The following NUP155 variants were observed in gnomAD, a reference collection of about 807,000 sequenced individuals.
NUP155 encodes the protein nuclear pore complex protein Nup155.
Under a neutral mutation model 180.4 loss-of-function variants are expected in NUP155, and 71 were observed. The ratio of observed to expected loss-of-function variants is 0.39; its 90% confidence interval spans 0.33 to 0.48. The LOEUF (loss-of-function observed/expected upper bound fraction) is 0.48, where lower values mean the gene tolerates loss of function less well. Ranked by LOEUF, NUP155 falls within the 20% of genes least tolerant of loss-of-function variation. The pLI is 0.91. For missense variants in NUP155, 1,553 were observed against 1,648.9 expected, an observed-to-expected ratio of 0.94 and a Z score of 1.01; for synonymous variants, 582 against 559.5, an observed-to-expected ratio of 1.04 and a Z score of -0.57.
At chr5:37,353,068 T>C (rs1746571831) in intron 4 of NUP155, among the ~76,000 whole-genome samples, 1 of 152,090 alleles carries the variant, frequency 6.6e-6, no homozygotes, top group African/African-American at 2.4e-5. Context: ...AGAACCACCT[T>C]AGAAAACAAT....
At chr5:37,319,757 A>G (rs578041014) in intron 20 of NUP155, among the ~76,000 whole-genome samples, 164 of 152,242 alleles carry the variant, frequency 1.1e-3, no homozygotes, top group African/African-American at 3.8e-3. Flanking sequence ...TGTAGTCCCA[A>G]CTACTCAGGA....
chr5:37,315,646 T>C (rs943376387), intron 21 of NUP155, among the ~76,000 whole-genome samples: 1 of 151,974 alleles, frequency 6.6e-6, no homozygotes, highest in Non-Finnish European at 1.5e-5. Context: ...ACTAGAAGTA[T>C]AAAATGCTGT....
intron 15 of NUP155, among the ~76,000 whole-genome samples, chr5:37,329,524 T>C (rs996283330): frequency 2.0e-5 from 3 of 152,232 alleles, no homozygotes; most frequent in Non-Finnish European, 4.4e-5. Flanking sequence ...GAAAAAGATA[T>C]GCAATGCATA....
At chr5:37,293,477 A>T (rs1354856235) in intron 33 of NUP155, among the ~76,000 whole-genome samples, 1 of 152,202 alleles carries the variant, frequency 6.6e-6, no homozygotes, top group Non-Finnish European at 1.5e-5. Flanking sequence ...TACTACAGTT[A>T]CCTGCTCATT....
At position 37,358,281 on chromosome 5, in the gene NUP155, C is replaced by T. The variant is rs1009432779; in HGVS notation, c.393-130G>A. On this transcript the variant is annotated intron_variant, in intron 3 of 34. Transcript: ENST00000231498. ...ACTGCCTGAGCCCAGAAGTTCAAGACCAGCCTGGGCAACATAGTGAGACTG... is the reference window on the plus strand; with the variant it reads ...ACTGCCTGAGCCCAGAAGTTCAAGATCAGCCTGGGCAACATAGTGAGACTG... The T allele has an allele frequency of 2.7e-5, 19 of 715,270 alleles. No homozygotes were observed. The African/African-American group carries it at 3.1e-4, about 12-fold the overall frequency. 44.3% of individuals were successfully genotyped at this position (715,270 alleles called of 1,614,324 possible).
chr5:37,288,361 T>C lies in NUP155; in HGVS notation c.*3539A>G, dbSNP rs1302126714. On this transcript the variant is annotated 3_prime_UTR_variant, in exon 35 of 35. Coordinates refer to ENST00000231498, the MANE Select transcript of NUP155 (RefSeq NM_153485.3). ...AATACTTTTGAGATCAGTGGATAGG[T>C]GTTCAATGAATAAGTCAGGTATACC... 1 of 152,136 alleles carries C rather than the reference T, an allele frequency of 6.6e-6. No homozygotes were observed. Among genetic ancestry groups the C allele is most frequent in the Non-Finnish European group, 1.5e-5 (1 of 68,032 alleles). 9.4% of individuals were successfully genotyped at this position (152,136 alleles called of 1,614,324 possible).
Position 37,291,811 on chromosome 5 carries a change from A to T in NUP155, c.*89T>A. On this transcript the variant is annotated 3_prime_UTR_variant, in exon 35 of 35. Transcript: ENST00000231498. ...ACATATTTCTATTAAGATTGTTCTT[A>T]CATTCTTAGATTTAGAACACCTGAT... 8.4e-7 allele frequency: 1 copy of T among 1,190,250 alleles called. No individual in the cohort carries two copies. The highest frequency in any genetic ancestry group is 1.2e-6 in the Non-Finnish European group (1 of 802,094). 73.7% of individuals were successfully genotyped at this position (1,190,250 alleles called of 1,614,324 possible).
rs1459101675 is a variant in NUP155 at position 37,288,685 on chromosome 5, A to G, written c.*3215T>C. 2.0e-5 allele frequency: 3 copies of G among 147,920 alleles called. No homozygotes were observed. Among genetic ancestry groups the G allele is most frequent in the Non-Finnish European group, 3.0e-5 (2 of 67,294 alleles). The allele number at this position is 147,920 out of a possible 1,614,324, so 9.2% of individuals were successfully genotyped here. ...GAGACTGAGGCAGGGGAATCACTTA[A>G]GGCCAGGAGTTTTGAGAGCAGTCTG... On this transcript the variant is annotated 3_prime_UTR_variant, in exon 35 of 35. Coordinates refer to ENST00000231498, the MANE Select transcript of NUP155 (RefSeq NM_153485.3).
chr5:37,321,158 C>A (rs1744216299), intron 20 of NUP155, among the ~76,000 whole-genome samples: 2 of 151,764 alleles, frequency 1.3e-5, no homozygotes, highest in Admixed American at 1.3e-4. Context: ...TCAGCCTTGC[C>A]AACATGGCAA....
At chr5:37,339,912 C>T (rs1011521321) in intron 11 of NUP155, among the ~76,000 whole-genome samples, 1 of 152,006 alleles carries the variant, frequency 6.6e-6, no homozygotes, top group African/African-American at 2.4e-5. Flanking sequence ...ACAGACATGC[C>T]CCCTACACCC....
At chr5:37,343,555 G>C (rs1310429633) in intron 9 of NUP155, among the ~76,000 whole-genome samples, 1 of 152,008 alleles carries the variant, frequency 6.6e-6, no homozygotes, top group Admixed American at 6.6e-5. Context: ...TGGTTGGTGG[G>C]GAGCAGTGTT....
Position 37,301,546 on chromosome 5 carries a change from G to A in NUP155, c.3452C>T (p.Ala1151Val). The change falls in exon 30 of 35, where the codon GCT (alanine) becomes GTT (valine). Residue 1151 changes from alanine to valine, a missense_variant. Ala to Val is a moderately conservative substitution (Grantham distance 64). Coordinates refer to ENST00000231498, the MANE Select transcript of NUP155 (RefSeq NM_153485.3). ...LHELEEKMEV[A>V]RIQLQIQETL... ...CTCCTGTATCTGAAGTTGGATCCTA[G>A]CAACCTAGTTTGGGCAGAAAACAGG... The A allele has an allele frequency of 6.3e-7, 1 of 1,598,102 alleles. No individual in the cohort carries two copies. Among genetic ancestry groups the A allele is most frequent in the Non-Finnish European group, 8.6e-7 (1 of 1,165,562 alleles).
At position 37,302,769 on chromosome 5, in the gene NUP155, T is replaced by C. The variant is rs772613802; in HGVS notation, c.3447+10A>G. On this transcript the variant is annotated intron_variant, in intron 29 of 34. Transcript: ENST00000231498. ...CAATGTGGACACAGCTTAAGATCTTTAGCACTTACCTCCATTTTTTCTTCT... is the reference window on the plus strand; with the variant it reads ...CAATGTGGACACAGCTTAAGATCTTCAGCACTTACCTCCATTTTTTCTTCT... 6.2e-7 allele frequency: 1 copy of C among 1,613,706 alleles called. No individual in the cohort carries two copies. The highest frequency in any genetic ancestry group is 2.2e-5 in the East Asian group (1 of 44,856).
At chr5:37,353,784 T>C (rs575674305) in intron 4 of NUP155, among the ~76,000 whole-genome samples, 13 of 152,226 alleles carry the variant, frequency 8.5e-5, no homozygotes, top group African/African-American at 2.6e-4. Context: ...TACCAACTGC[T>C]GAGGGAAGGA....
chr5:37,361,285 A>AAAAAAAAAAAAAG (rs397997410), intron 3 of NUP155, among the ~76,000 whole-genome samples: 2 of 141,468 alleles, frequency 1.4e-5, no homozygotes, highest in African/African-American at 6.1e-5. Flanking sequence ...AAAAAAAAAA[A>AAAAAAAAAAAAAG]GACAATGGCT....
chr5:37,359,014 CA>C (rs35596568), intron 3 of NUP155, among the ~76,000 whole-genome samples: 120 of 127,590 alleles, frequency 9.4e-4, no homozygotes, highest in Middle Eastern at 4.1e-3. Flanking sequence ...GACTCCGTCT[CA>C]AAAAAAAAAA....
chr5:37,321,646 G>GTT, intron 20 of NUP155, among the ~76,000 whole-genome samples: 1 of 151,898 alleles, frequency 6.6e-6, no homozygotes, highest in Non-Finnish European at 1.5e-5. Flanking sequence ...GAGCCCAGGA[G>GTT]GCAGAGGTTG....
At chr5:37,348,087 T>G (rs552927532) in intron 9 of NUP155, among the ~76,000 whole-genome samples, 1 of 151,480 alleles carries the variant, frequency 6.6e-6, no homozygotes, top group Non-Finnish European at 1.5e-5. Flanking sequence ...TGAGCAGAGA[T>G]AGCACCACTG....
At chr5:37,338,266 T>C (rs570131840) in intron 11 of NUP155, among the ~76,000 whole-genome samples, 162 of 139,684 alleles carry the variant, frequency 1.2e-3, no homozygotes, top group Non-Finnish European at 1.9e-3. Context: ...TGCAGTAAGC[T>C]GAGATTGTGC....
Sources: allele counts gnomAD v4.1 joint callset (sites outside exome capture counted in the v4.1 genomes callset), GRCh38; gene constraint gnomAD v4.1.1; transcripts MANE v1.5; gene names NCBI Gene and HGNC (gene_info 2026-07-23, HGNC 2026-07-21).